TRPM3: variants seen among roughly 807,000 people sequenced by gnomAD.
The protein encoded by TRPM3 is long transient receptor potential channel 3.
In TRPM3, 77 loss-of-function variants were observed where a neutral mutation model predicts 181.2. The observed-to-expected ratio is 0.42, with a 90% confidence interval of 0.35 to 0.51. The LOEUF (loss-of-function observed/expected upper bound fraction) is 0.51, where lower values mean the gene tolerates loss of function less well. Among genes scored for constraint, TRPM3 ranks in the 20% least tolerant of loss-of-function variants. TRPM3 has a pLI of 0.01. For synonymous variants in TRPM3, 745 were observed against 796.4 expected, an observed-to-expected ratio of 0.94 and a Z score of 1.09; for missense variants, 1,759 against 2,196.7, an observed-to-expected ratio of 0.80 and a Z score of 3.98.
At chr9:71,020,410 T>A (rs1699058601) in intron 1 of TRPM3, among the ~76,000 whole-genome samples, 1 of 151,364 alleles carries the variant, frequency 6.6e-6, no homozygotes, top group South Asian at 2.1e-4. Flanking sequence ...CCCAGGAGAT[T>A]GAGGCTATGC....
intron 19 of TRPM3, among the ~76,000 whole-genome samples, chr9:70,607,173 C>T (rs765586142): frequency 1.2e-4 from 19 of 152,240 alleles, no homozygotes; most frequent in Non-Finnish European, 2.2e-4. Context: ...AAACTTGCTA[C>T]GATGCAGAAG....
intron 1 of TRPM3, among the ~76,000 whole-genome samples, chr9:71,312,441 T>C (rs1373363697): frequency 6.6e-6 from 1 of 152,174 alleles, no homozygotes; most frequent in African/African-American, 2.4e-5. Flanking sequence ...TTCTCATTCA[T>C]TGTTGATGGG....
At chr9:71,066,345 G>A (rs1291106915) in intron 1 of TRPM3, among the ~76,000 whole-genome samples, 1 of 152,158 alleles carries the variant, frequency 6.6e-6, no homozygotes, top group Non-Finnish European at 1.5e-5. Flanking sequence ...CTGAGAAACT[G>A]AGATGTGGTC....
chr9:71,315,708 G>T (rs567663046), intron 1 of TRPM3, among the ~76,000 whole-genome samples: 12 of 152,122 alleles, frequency 7.9e-5, no homozygotes, highest in Admixed American at 2.6e-4. Flanking sequence ...AAACAAAGAG[G>T]ATATTATCCA....
At chr9:71,431,101 G>A (rs2093947383) in intron 1 of TRPM3, among the ~76,000 whole-genome samples, 1 of 152,028 alleles carries the variant, frequency 6.6e-6, no homozygotes, top group Non-Finnish European at 1.5e-5. Flanking sequence ...ATAAACCAAG[G>A]TAATAACTTC....
intron 1 of TRPM3, among the ~76,000 whole-genome samples, chr9:71,192,062 G>A (rs571400572): frequency 4.0e-4 from 60 of 151,872 alleles, no homozygotes; most frequent in Non-Finnish European, 6.8e-4. Flanking sequence ...TAACCTTTAC[G>A]TCTGAGCTTA....
chr9:70,905,584 C>G (rs1414663924), intron 1 of TRPM3, among the ~76,000 whole-genome samples: 1 of 152,090 alleles, frequency 6.6e-6, no homozygotes, highest in East Asian at 1.9e-4. Context: ...GACAGGCCAA[C>G]AAGATTTATA....
At chr9:71,249,261 G>A (rs2082203039) in intron 1 of TRPM3, among the ~76,000 whole-genome samples, 1 of 152,074 alleles carries the variant, frequency 6.6e-6, no homozygotes, top group Non-Finnish European at 1.5e-5. Context: ...AAAATTACTA[G>A]CCCTTAAGAA....
At chr9:71,235,609 C>T (rs2081313665) in intron 1 of TRPM3, among the ~76,000 whole-genome samples, 1 of 152,176 alleles carries the variant, frequency 6.6e-6, no homozygotes, top group South Asian at 2.1e-4. Context: ...TTTCTGATCA[C>T]TAATAGGATA....
rs117608319 is a variant in TRPM3, at chr9:71,039,689, T to G, written c.177+81489A>C. On this transcript the variant is annotated intron_variant, in intron 1 of 25. Coordinates refer to ENST00000677713, the MANE Select transcript of TRPM3 (RefSeq NM_001366145.2). ...TCAGCATTAATGGATAGAACAGGAC[T>G]CACAAACATTGGAAATAAAATGAAG... Among the ~76,000 whole-genome samples, 15 of 152,258 alleles carry G rather than the reference T, an allele frequency of 9.9e-5. No individual in the cohort carries two copies. In the East Asian group the frequency reaches 2.7e-3, roughly 27 times the overall value.
rs144564893 is a variant in TRPM3 at position 71,313,409 on chromosome 9, C to T, written c.183+133244G>A. ...TGACCTGTCTGTTTTATAAGATAAT[C>T]TTACATTAAAGGAAATTATAAAAAG... On this transcript the variant is annotated intron_variant, in intron 1 of 24. Transcript: ENST00000357533. Among the ~76,000 whole-genome samples, 482 of 152,156 alleles carry T rather than the reference C, an allele frequency of 3.2e-3. 4 individuals are homozygous for T. Among genetic ancestry groups the T allele is most frequent in the African/African-American group, 0.011 (457 of 41,516 alleles).
rs1184630750 is a variant in TRPM3 at position 70,827,831 on chromosome 9, A to G, written c.973+16T>C. ...ACCTCCTACGAGCCATGCCAGTGGGAACAACCGCTACTTACTTGTGTTTAT... is the reference window on the plus strand; with the variant it reads ...ACCTCCTACGAGCCATGCCAGTGGGGACAACCGCTACTTACTTGTGTTTAT... On this transcript the variant is annotated intron_variant, in intron 6 of 25. Transcript: ENST00000677713. 6.2e-7 allele frequency: 1 copy of G among 1,612,472 alleles called. No individual in the cohort carries two copies. The highest frequency in any genetic ancestry group is 1.1e-5 in the South Asian group (1 of 90,892).
At chr9:70,562,521 A>G (rs562055742) in intron 22 of TRPM3, among the ~76,000 whole-genome samples, 1 of 152,054 alleles carries the variant, frequency 6.6e-6, no homozygotes, top group East Asian at 1.9e-4. Flanking sequence ...TTCAGCTTTG[A>G]GCTATTCAGA....
intron 22 of TRPM3, among the ~76,000 whole-genome samples, chr9:70,587,862 C>A (rs1227448016): frequency 6.6e-6 from 1 of 152,148 alleles, no homozygotes; most frequent in Non-Finnish European, 1.5e-5. Flanking sequence ...AAAAAGGAAC[C>A]AACCACACAA....
chr9:71,413,425 C>T (rs2093591222), intron 1 of TRPM3, among the ~76,000 whole-genome samples: 1 of 151,892 alleles, frequency 6.6e-6, no homozygotes, highest in African/African-American at 2.4e-5. Flanking sequence ...TTAAGTGACT[C>T]CCAAAGTCAT....
intron 25 of TRPM3, among the ~76,000 whole-genome samples, chr9:70,547,303 A>C (rs997677272): frequency 1.3e-5 from 2 of 152,062 alleles, no homozygotes; most frequent in African/African-American, 4.8e-5. Context: ...ACATATACAT[A>C]TGTGTATATG....
Position 70,603,358 on chromosome 9 carries a change from A to G in TRPM3, c.2780T>C (p.Ile927Thr). Residue 927 changes from isoleucine (I) to threonine (T), a missense_variant, in exon 20 of 26, where the codon ATA (isoleucine) becomes ACA (threonine). Around this residue, in one of 8 missense-constraint regions of TRPM3, gnomAD observed 100 missense variants for 123.0 expected, o/e 0.81. Transcript: ENST00000677713. ...AGCCGTTACCTCTCTCATCTTTTCT[A>G]TTCCCAGGGTGAAAATATAGGAGAT... ...IVISYIFTLGIEKMREILMSE... is the reference protein window; with the variant it reads ...IVISYIFTLGTEKMREILMSE... The G allele has an allele frequency of 6.2e-7, 1 of 1,613,502 alleles. No individual in the cohort carries two copies. The highest frequency in any genetic ancestry group is 1.1e-5 in the South Asian group (1 of 90,888).
At chr9:70,633,026 A>G (rs182869034) in intron 12 of TRPM3, among the ~76,000 whole-genome samples, 127 of 152,338 alleles carry the variant, frequency 8.3e-4, no homozygotes, top group Non-Finnish European at 1.5e-3. Flanking sequence ...AATCCCTTTG[A>G]AAATTAGACA....
At chr9:70,783,880 T>C in intron 7 of TRPM3, 1 of 1,239,590 alleles carries the variant, frequency 8.1e-7, no homozygotes, top group African/African-American at 1.5e-5. Context: ...TCACCCTTTT[T>C]ATTATCCGTG....
Sources: gnomAD v4.1 joint callset for allele counts (sites outside exome capture counted in the v4.1 genomes callset) on GRCh38, gnomAD v4.1.1 for gene constraint, gnomAD v4.1.1 regional missense constraint, MANE v1.5 for transcripts, NCBI Gene and HGNC (gene_info 2026-07-23, HGNC 2026-07-21) for gene names.